ROR1: variants seen among roughly 807,000 people sequenced by gnomAD.
The protein encoded by ROR1 is inactive tyrosine-protein kinase transmembrane receptor ROR1.
In ROR1, 19 loss-of-function variants were observed where a neutral mutation model predicts 78.8. That is an observed-to-expected ratio of 0.24 (90% CI 0.17 to 0.35). The LOEUF (loss-of-function observed/expected upper bound fraction) is 0.35. ROR1 is among the 10% of genes least tolerant of loss of function. The probability of loss-of-function intolerance (pLI) is 1.00; values close to 1 mark genes in which losing one functional copy is unlikely to be tolerated. For synonymous variants in ROR1, 386 were observed against 433.6 expected (o/e 0.89, Z 1.36); for missense variants, 917 against 1,177.8 (o/e 0.78, Z 3.24).
At chr1:64,128,069 T>A (rs1338324803) in intron 4 of ROR1, among the ~76,000 whole-genome samples, 1 of 152,078 alleles carries the variant, frequency 6.6e-6, no homozygotes, top group Non-Finnish European at 1.5e-5. Context: ...AATTCAAGAA[T>A]TCCTTTGGAA....
chr1:63,788,610 ATATAT>A (rs1225492275), intron 1 of ROR1: 2 of 151,806 alleles, frequency 1.3e-5, no homozygotes, highest in African/African-American at 2.4e-5. Context: ...GATCTAATAT[ATATAT>A]TATATGTTAT....
intron 1 of ROR1, among the ~76,000 whole-genome samples, chr1:63,945,854 A>G (rs1001843332): frequency 3.9e-5 from 6 of 152,240 alleles, no homozygotes; most frequent in Non-Finnish European, 8.8e-5. Context: ...AAGAAGGTGC[A>G]GTTCATAGGT....
At chr1:63,990,633 T>A (rs1440922640) in intron 1 of ROR1, among the ~76,000 whole-genome samples, 1 of 152,176 alleles carries the variant, frequency 6.6e-6, no homozygotes, top group East Asian at 1.9e-4. Context: ...GAAGGGAAGT[T>A]GTAATTTTGT....
At chr1:64,103,580 G>A (rs1647660494) in intron 4 of ROR1, among the ~76,000 whole-genome samples, 1 of 152,134 alleles carries the variant, frequency 6.6e-6, no homozygotes, top group Admixed American at 6.6e-5. Flanking sequence ...ATTTAAAGGT[G>A]TTTTCTGAGG....
intron 1 of ROR1, among the ~76,000 whole-genome samples, chr1:63,883,380 C>T (rs1168089577): frequency 1.0e-4 from 2 of 19,882 alleles, no homozygotes; most frequent in Non-Finnish European, 2.7e-4. Context: ...CTCATCTGGA[C>T]TTTACTTGTA....
intron 1 of ROR1, among the ~76,000 whole-genome samples, chr1:63,821,820 A>G (rs1019615505): frequency 2.0e-5 from 3 of 152,206 alleles, no homozygotes; most frequent in Non-Finnish European, 2.9e-5. Flanking sequence ...CAGCTGGTTC[A>G]AGTGACTTAA....
chr1:63,840,355 CT>C (rs1479562158), intron 1 of ROR1, among the ~76,000 whole-genome samples: 22 of 150,966 alleles, frequency 1.5e-4, no homozygotes, highest in South Asian at 6.4e-4. Flanking sequence ...TCTCGGCTCA[CT>C]GCAACCTCTG....
intron 1 of ROR1, among the ~76,000 whole-genome samples, chr1:63,803,431 C>T (rs1040897670): frequency 6.6e-6 from 1 of 151,730 alleles, no homozygotes; most frequent in African/African-American, 2.4e-5. Flanking sequence ...GCAACCTCTG[C>T]CTGCTGGGTT....
At chr1:63,846,118 A>ATGTGTGTG (rs71056009) in intron 1 of ROR1, among the ~76,000 whole-genome samples, 5 of 136,416 alleles carry the variant, frequency 3.7e-5, no homozygotes, top group East Asian at 2.4e-4. Flanking sequence ...GAGAGAGAGA[A>ATGTGTGTG]TGTGTGTGTG....
intron 1 of ROR1, among the ~76,000 whole-genome samples, chr1:63,907,643 A>G (rs1645539514): frequency 6.6e-6 from 1 of 152,186 alleles, no homozygotes; most frequent in South Asian, 2.1e-4. Context: ...CCTCTTAAGC[A>G]TTAGTTCACT....
At chr1:63,827,995 A>G (rs1644965703) in intron 1 of ROR1, among the ~76,000 whole-genome samples, 1 of 152,252 alleles carries the variant, frequency 6.6e-6, no homozygotes, top group South Asian at 2.1e-4. Flanking sequence ...GAGAATGTGC[A>G]TATTCCCCTT....
In ROR1 at chr1:63,997,549, C is replaced by T. The variant is rs923562060; in HGVS notation, c.92-11756C>T. Among the ~76,000 whole-genome samples, 3 of 152,264 alleles carry T rather than the reference C, an allele frequency of 2.0e-5. No individual in the cohort carries two copies. The East Asian group carries it at 5.8e-4, about 29-fold the overall frequency. ...ATTGGCTAACTCCCTTTCCCCTAGA[C>T]TCTTAAATTACATTAAAGTTCTCAG... On this transcript the variant is annotated intron_variant, in intron 1 of 8. Transcript: ENST00000371079.
chr1:63,814,592 C>T (rs1398513164), intron 1 of ROR1, among the ~76,000 whole-genome samples: 1 of 151,716 alleles, frequency 6.6e-6, no homozygotes, highest in African/African-American at 2.4e-5. Flanking sequence ...CTAGATGGTC[C>T]CATCTGGGGG....
At position 64,019,502 on chromosome 1, in the gene ROR1, A is replaced by G. The variant is rs189061116; in HGVS notation, c.163+10126A>G. Among the ~76,000 whole-genome samples the G allele has an allele frequency of 3.1e-3, 476 of 152,308 alleles. 3 individuals carry two copies. The highest frequency in any genetic ancestry group is 0.011 in the African/African-American group (455 of 41,568). ...CCAGAACTCATAAAATAAATACAGA[A>G]AAGGGTAGATTGATAGTGATATTGA... On this transcript the variant is annotated intron_variant, in intron 2 of 8. Transcript: ENST00000371079.
At chr1:63,927,514 G>A (rs567366974) in intron 1 of ROR1, among the ~76,000 whole-genome samples, 23 of 149,330 alleles carry the variant, frequency 1.5e-4, no homozygotes, top group African/African-American at 5.7e-4. Context: ...TCAGAATGAT[G>A]CTGGCCTCAT....
chr1:63,927,424 G>A (rs1645713926), intron 1 of ROR1, among the ~76,000 whole-genome samples: 1 of 146,982 alleles, frequency 6.8e-6, no homozygotes, highest in South Asian at 2.3e-4. Flanking sequence ...GTATTTTATT[G>A]AGGATTTTTG....
chr1:64,101,447 G>A (rs977085973), intron 4 of ROR1, among the ~76,000 whole-genome samples: 2 of 152,164 alleles, frequency 1.3e-5, no homozygotes, highest in South Asian at 2.1e-4. Flanking sequence ...CCCATCATGC[G>A]TGGTGGGTTG....
intron 4 of ROR1, among the ~76,000 whole-genome samples, chr1:64,051,615 C>G (rs1005706284): frequency 2.6e-5 from 4 of 152,076 alleles, no homozygotes; most frequent in Non-Finnish European, 4.4e-5. Context: ...GGTCCAATTT[C>G]TTTCACTAAT....
At chr1:64,007,987 T>C (rs1646443249) in intron 1 of ROR1, among the ~76,000 whole-genome samples, 1 of 151,900 alleles carries the variant, frequency 6.6e-6, no homozygotes, top group Non-Finnish European at 1.5e-5. Context: ...TTTCCATTTT[T>C]ATTTTAGATT....
Sources: allele counts gnomAD v4.1 joint callset (sites outside exome capture counted in the v4.1 genomes callset), GRCh38; gene constraint gnomAD v4.1.1; transcripts MANE v1.5; gene names NCBI Gene and HGNC (gene_info 2026-07-23, HGNC 2026-07-21).